Variants in PDE4D observed in about 807,000 individuals in gnomAD.
PDE4D encodes 3',5'-cyclic-AMP phosphodiesterase 4D.
A neutral mutation model predicts 87.4 loss-of-function variants in PDE4D; 24 were observed. The ratio of observed to expected loss-of-function variants is 0.27; its 90% confidence interval spans 0.20 to 0.39. PDE4D has a LOEUF of 0.39. PDE4D is among the 10% of genes least tolerant of loss of function. The pLI is 1.00. For missense variants in PDE4D, 714 were observed against 1,041.0 expected, an observed-to-expected ratio of 0.69 and a Z score of 4.32; for synonymous variants, 384 against 383.2, an observed-to-expected ratio of 1.00 and a Z score of -0.02.
intron 1 of PDE4D, among the ~76,000 whole-genome samples, chr5:59,524,838 G>T (rs758579052): frequency 6.6e-6 from 1 of 152,188 alleles, no homozygotes; most frequent in Non-Finnish European, 1.5e-5. Context: ...GCTTCAGAAG[G>T]TCCAAGCCTC....
At position 60,152,046 on chromosome 5, in the gene PDE4D, A is replaced by G. The variant is rs369784708; in HGVS notation, c.42+33511T>C. ...TCCTACCATTAATGTGATGTAGTAC[A>G]TTAATTGATTTGAGCATGCTGAACC... On this transcript the variant is annotated intron_variant, in intron 2 of 16. Transcript: ENST00000502484. Among the ~76,000 whole-genome samples, 6 of 152,344 alleles carry G rather than the reference A, an allele frequency of 3.9e-5. No homozygotes were observed. In the East Asian group the frequency reaches 9.6e-4, roughly 24 times the overall value.
chr5:60,373,007 A>G (rs975703509), intron 1 of PDE4D, among the ~76,000 whole-genome samples: 1 of 152,198 alleles, frequency 6.6e-6, no homozygotes, highest in African/African-American at 2.4e-5. Flanking sequence ...ACCATTGACT[A>G]GCTCAATTAT....
At chr5:59,081,518 T>TAAAAAAA (rs35050580) in intron 5 of PDE4D, among the ~76,000 whole-genome samples, 18 of 135,436 alleles carry the variant, frequency 1.3e-4, no homozygotes, top group East Asian at 2.2e-4. Flanking sequence ...AGTAATCAGG[T>TAAAAAAA]AAAAAAAAAA....
intron 2 of PDE4D, among the ~76,000 whole-genome samples, chr5:60,041,032 C>G (rs896569114): frequency 6.6e-6 from 1 of 152,116 alleles, no homozygotes; most frequent in African/African-American, 2.4e-5. Context: ...CTCACTGATT[C>G]ATATTAGTAA....
At chr5:60,417,688 A>T (rs764604917) in intron 1 of PDE4D, among the ~76,000 whole-genome samples, 13 of 151,950 alleles carry the variant, frequency 8.6e-5, no homozygotes, top group Admixed American at 2.0e-4. Context: ...ATAAAGAAGA[A>T]TTTTTTTTAG....
chr5:59,957,958 T>C (rs1195957421), intron 3 of PDE4D, among the ~76,000 whole-genome samples: 14 of 152,250 alleles, frequency 9.2e-5, no homozygotes, highest in Middle Eastern at 3.4e-3. Context: ...TTTATAGAGA[T>C]AACAGAGTAA....
chr5:60,200,780 C>A (rs1172163688), intron 1 of PDE4D, among the ~76,000 whole-genome samples: 4 of 152,098 alleles, frequency 2.6e-5, no homozygotes, highest in Admixed American at 6.5e-5. Flanking sequence ...CCATATTATT[C>A]ATGAGTTTAC....
intron 1 of PDE4D, among the ~76,000 whole-genome samples, chr5:59,673,959 C>G (rs1212694369): frequency 6.6e-6 from 1 of 151,946 alleles, no homozygotes; most frequent in South Asian, 2.1e-4. Flanking sequence ...ATTTTTGGTT[C>G]ATTAAAAGTT....
intron 1 of PDE4D, among the ~76,000 whole-genome samples, chr5:59,459,522 A>G (rs1281735211): frequency 2.0e-5 from 3 of 152,208 alleles, no homozygotes; most frequent in African/African-American, 7.2e-5. Context: ...GTATTTTAAT[A>G]TTACCCAGGT....
chr5:59,728,223 C>A (rs1332796646), intron 1 of PDE4D, among the ~76,000 whole-genome samples: 1 of 151,958 alleles, frequency 6.6e-6, no homozygotes, highest in Non-Finnish European at 1.5e-5. Flanking sequence ...CTGATCTATC[C>A]CGACTCTAAA....
upstream of PDE4D, among the ~76,000 whole-genome samples, chr5:59,896,618 A>G (rs1472454087): frequency 6.6e-6 from 1 of 151,882 alleles, no homozygotes; most frequent in Non-Finnish European, 1.5e-5. Flanking sequence ...ATTTTAAAAA[A>G]CTCTTCATGT....
At chr5:60,166,076 A>C (rs2149472290) in intron 2 of PDE4D, among the ~76,000 whole-genome samples, 1 of 152,214 alleles carries the variant, frequency 6.6e-6, no homozygotes, top group Admixed American at 6.5e-5. Flanking sequence ...TGAGGCTTAT[A>C]AAAAACACTT....
chr5:60,488,744 T>C (rs1340875841), upstream of PDE4D, among the ~76,000 whole-genome samples: 2 of 152,046 alleles, frequency 1.3e-5, no homozygotes, highest in African/African-American at 4.8e-5. Context: ...AGGGATGGGT[T>C]TCAGGAGCAC....
intron 1 of PDE4D, among the ~76,000 whole-genome samples, chr5:60,512,414 AC>A (rs1750617875): frequency 6.6e-6 from 1 of 152,182 alleles, no homozygotes; most frequent in Non-Finnish European, 1.5e-5. Context: ...ATCATCAAAT[AC>A]TTGATTCCTT....
At chr5:59,712,068 C>A (rs1185233810) in intron 1 of PDE4D, among the ~76,000 whole-genome samples, 1 of 152,072 alleles carries the variant, frequency 6.6e-6, no homozygotes, top group Admixed American at 6.6e-5. Flanking sequence ...GATGCATGGA[C>A]CTGCTTTGAC....
chr5:60,365,674 A>C (rs1760464435), intron 1 of PDE4D, among the ~76,000 whole-genome samples: 1 of 152,242 alleles, frequency 6.6e-6, no homozygotes, highest in Admixed American at 6.5e-5. Context: ...CTGAGATTAC[A>C]ACATTTCTTG....
At chr5:59,756,591 T>A (rs1761264619) in intron 1 of PDE4D, among the ~76,000 whole-genome samples, 1 of 149,362 alleles carries the variant, frequency 6.7e-6, no homozygotes, top group Admixed American at 6.7e-5. Context: ...AATCATTGAG[T>A]TCAAAGTTTT....
Position 59,697,348 on chromosome 5 carries a change from C to A in PDE4D, c.455+195820G>T, listed in dbSNP as rs141527926. On this transcript the variant is annotated intron_variant, in intron 1 of 14. Transcript: ENST00000340635. ...ATTGTGTTAAATGCTATAAAAGAGGCACATAGAGGGCCAAAGGGGCTTAAT... is the reference window on the plus strand; with the variant it reads ...ATTGTGTTAAATGCTATAAAAGAGGAACATAGAGGGCCAAAGGGGCTTAAT... Among the ~76,000 whole-genome samples, 1,203 of 152,164 alleles carry A rather than the reference C, an allele frequency of 7.9e-3. 16 individuals are homozygous for A. Among genetic ancestry groups the A allele is most frequent in the African/African-American group, 0.028 (1,143 of 41,510 alleles).
At chr5:59,605,886 C>T (rs1045462331) in intron 1 of PDE4D, among the ~76,000 whole-genome samples, 6 of 151,940 alleles carry the variant, frequency 3.9e-5, no homozygotes, top group Non-Finnish European at 1.5e-5. Context: ...TCCATCTAAA[C>T]GGGAAACTCA....
Sources: allele counts gnomAD v4.1 joint callset (sites outside exome capture counted in the v4.1 genomes callset), GRCh38; gene constraint gnomAD v4.1.1; transcripts MANE v1.5; gene names NCBI Gene and HGNC (gene_info 2026-07-23, HGNC 2026-07-21).